PLD5: variants seen among roughly 807,000 people sequenced by gnomAD.
PLD5 encodes the protein inactive phospholipase D5.
Under a neutral mutation model 61.1 loss-of-function variants are expected in PLD5, and 36 were observed. That is an observed-to-expected ratio of 0.59 (90% CI 0.45 to 0.78). PLD5 has a LOEUF of 0.78. Among genes scored for constraint, PLD5 ranks in the 30% least tolerant of loss-of-function variants. The pLI is 0.00. For synonymous variants in PLD5, 243 were observed against 242.8 expected, an observed-to-expected ratio of 1.00 and a Z score of -0.01; for missense variants, 515 against 644.4, an observed-to-expected ratio of 0.80 and a Z score of 2.17.
chr1:242,506,405 G>A (rs893515438), intron 1 of PLD5, among the ~76,000 whole-genome samples: 2 of 152,166 alleles, frequency 1.3e-5, no homozygotes, highest in African/African-American at 4.8e-5. Flanking sequence ...CCCAGACAGA[G>A]ATATGAGCAG....
chr1:242,525,618 G>C (rs1007337139), upstream of PLD5, among the ~76,000 whole-genome samples: 4 of 152,170 alleles, frequency 2.6e-5, no homozygotes, highest in Non-Finnish European at 4.4e-5. Context: ...GGTGTTCAGG[G>C]TGTCTCGTGT....
intron 5 of PLD5, 119 bp from the exon 6 acceptor site, chr1:242,124,784 AAGTAGATAT>A: frequency 2.6e-6 from 2 of 775,508 alleles, no homozygotes; most frequent in Non-Finnish European, 4.1e-6. Flanking sequence ...CATTTGAAGT[AAGTAGATAT>A]AGTTACATTA....
rs1558146952 is a variant in PLD5 at position 242,494,879 on chromosome 1, T to TTTTC, written c.189+29208_189+29209insGAAA. Among the ~76,000 whole-genome samples the TTTTC allele has an allele frequency of 1.8e-4, 9 of 50,352 alleles. No individual in the cohort carries two copies. In the East Asian group the frequency reaches 6.3e-3, roughly 35 times the overall value. 33.0% of individuals were successfully genotyped at this position (50,352 alleles called of 152,430 possible). ...CAACCCCCAATTTTTTTTTCTTTTCTGTTTTTTTTTTTTTGCTGTTTTGTC... is the reference window on the plus strand; with the variant it reads ...CAACCCCCAATTTTTTTTTCTTTTCTTTTCGTTTTTTTTTTTTTGCTGTTTTGTC... On this transcript the variant is annotated intron_variant, in intron 1 of 9. Coordinates refer to ENST00000536534, the MANE Select transcript of PLD5 (RefSeq NM_001372062.1).
chr1:242,347,557 T>G (rs1307170140), intron 2 of PLD5, among the ~76,000 whole-genome samples: 1 of 152,142 alleles, frequency 6.6e-6, no homozygotes, highest in African/African-American at 2.4e-5. Flanking sequence ...AAATGCTACT[T>G]AATGTAACTG....
rs75840668 is a variant in PLD5, at chr1:242,504,098, C to T, written c.189+19990G>A. 6.8e-3 allele frequency among the ~76,000 whole-genome samples: 1,031 copies of T among 151,966 alleles called. 14 individuals are homozygous for T. Among genetic ancestry groups the T allele is most frequent in the African/African-American group, 0.023 (969 of 41,422 alleles). On this transcript the variant is annotated intron_variant, in intron 1 of 9. Coordinates refer to ENST00000536534, the MANE Select transcript of PLD5 (RefSeq NM_001372062.1). ...ACAAAACACATGCCTGTCATTTCTT[C>T]TCTCATAAAAAAAAATGTACCTACC... is the stretch of plus-strand genomic sequence containing the variant.
At chr1:242,331,900 A>G (rs1291906535) in intron 2 of PLD5, among the ~76,000 whole-genome samples, 3 of 152,160 alleles carry the variant, frequency 2.0e-5, no homozygotes, top group South Asian at 2.1e-4. Flanking sequence ...GCCTTTTATT[A>G]TTATACTTCA....
chr1:242,417,850 C>G (rs1006321624), intron 1 of PLD5, among the ~76,000 whole-genome samples: 2 of 152,130 alleles, frequency 1.3e-5, no homozygotes, highest in African/African-American at 4.8e-5. Flanking sequence ...GAAGGATCAC[C>G]AAGGCAGTAA....
intron 1 of PLD5, among the ~76,000 whole-genome samples, chr1:242,393,652 GTATA>G (rs756444185): frequency 4.0e-5 from 3 of 74,272 alleles, no homozygotes; most frequent in Non-Finnish European, 7.4e-5. Context: ...ATATATATGA[GTATA>G]TATGTGTATA....
intron 4 of PLD5, among the ~76,000 whole-genome samples, chr1:242,249,414 G>A (rs1289222135): frequency 2.6e-5 from 4 of 152,138 alleles, no homozygotes; most frequent in Non-Finnish European, 5.9e-5. Flanking sequence ...TCTCAAATAA[G>A]TTTCTGTTCT....
intron 1 of PLD5, among the ~76,000 whole-genome samples, chr1:242,513,066 G>A (rs1668982804): frequency 6.6e-6 from 1 of 151,876 alleles, no homozygotes; most frequent in Non-Finnish European, 1.5e-5. Context: ...TTTTTGTAGA[G>A]ACAGGATCTC....
At chr1:242,318,497 T>C (rs1400842069) in intron 2 of PLD5, among the ~76,000 whole-genome samples, 17 of 152,128 alleles carry the variant, frequency 1.1e-4, no homozygotes, top group African/African-American at 3.9e-4. Context: ...GCCTCGACAC[T>C]TCGTTAGGCC....
intron 1 of PLD5, among the ~76,000 whole-genome samples, chr1:242,468,701 GCA>G (rs924231282): frequency 6.0e-5 from 9 of 149,150 alleles, no homozygotes; most frequent in South Asian, 2.1e-4. Context: ...ACACACACAC[GCA>G]CACACACACA....
chr1:242,525,600 A>G (rs1266388658), upstream of PLD5, among the ~76,000 whole-genome samples: 2 of 152,194 alleles, frequency 1.3e-5, no homozygotes, highest in South Asian at 2.1e-4. Context: ...TCTAAATGCT[A>G]AACAGCTGGT....
intron 5 of PLD5, among the ~76,000 whole-genome samples, chr1:242,202,540 A>G (rs1669046774): frequency 6.6e-6 from 1 of 152,156 alleles, no homozygotes. Flanking sequence ...GGGACCATCC[A>G]GCCCATGCCT....
rs1347741337 is a variant in PLD5 at position 242,120,398 on chromosome 1, C to T, written c.933+4070G>A. Reference sequence around the variant, plus strand: ...GAGCTGCTGACCTCAAGTGATCAGCCAGCTTTGGCCTCTCAAAGTGCAGGG... The same window carrying T: ...GAGCTGCTGACCTCAAGTGATCAGCTAGCTTTGGCCTCTCAAAGTGCAGGG... On this transcript the variant is annotated intron_variant, in intron 6 of 9. Coordinates refer to ENST00000536534, the MANE Select transcript of PLD5 (RefSeq NM_001372062.1). Among the ~76,000 whole-genome samples the T allele has an allele frequency of 2.8e-4, 43 of 151,986 alleles. 1 individual carries two copies. Among genetic ancestry groups the T allele is most frequent in the Admixed American group, 2.7e-3 (41 of 15,264 alleles).
At chr1:242,289,899 T>C (rs1675259946) in intron 2 of PLD5, among the ~76,000 whole-genome samples, 1 of 151,572 alleles carries the variant, frequency 6.6e-6, no homozygotes, top group Admixed American at 6.6e-5. Flanking sequence ...ATACTGCTAG[T>C]AAAATGTTCT....
At chr1:242,100,405 C>T (rs1233441812) in intron 9 of PLD5, among the ~76,000 whole-genome samples, 1 of 152,160 alleles carries the variant, frequency 6.6e-6, no homozygotes, top group African/African-American at 2.4e-5. Flanking sequence ...TACAATGAGG[C>T]AAATGGACCA....
intron 1 of PLD5, among the ~76,000 whole-genome samples, chr1:242,400,486 C>A (rs1383049118): frequency 6.6e-6 from 1 of 152,116 alleles, no homozygotes; most frequent in East Asian, 1.9e-4. Context: ...AGTCTCTGAT[C>A]TCAGGGACCC....
At chr1:242,296,515 G>A (rs1675667065) in intron 2 of PLD5, among the ~76,000 whole-genome samples, 1 of 152,188 alleles carries the variant, frequency 6.6e-6, no homozygotes, top group Admixed American at 6.5e-5. Flanking sequence ...CTTAGAAGGT[G>A]ACTCGCTACC....
Sources: gnomAD v4.1 joint callset for allele counts (sites outside exome capture counted in the v4.1 genomes callset) on GRCh38, gnomAD v4.1.1 for gene constraint, MANE v1.5 for transcripts, NCBI Gene and HGNC (gene_info 2026-07-23, HGNC 2026-07-21) for gene names.